The following ZBTB20 variants were observed in gnomAD, a reference collection of about 807,000 sequenced individuals.
ZBTB20 encodes the protein zinc finger and BTB domain-containing protein 20.
ZBTB20 carries 9 observed loss-of-function variants against 56.9 expected under a neutral mutation model. The observed-to-expected ratio is 0.16, with a 90% confidence interval of 0.10 to 0.28. The LOEUF is 0.28. Among genes scored for constraint, ZBTB20 ranks in the 10% least tolerant of loss-of-function variants. The pLI is 1.00. For synonymous variants in ZBTB20, 417 were observed against 420.7 expected (o/e 0.99, Z 0.11); for missense variants, 655 against 1,003.0 (o/e 0.65, Z 4.69).
intron 6 of ZBTB20, among the ~76,000 whole-genome samples, chr3:114,671,594 C>T (rs1255829399): frequency 1.3e-5 from 2 of 150,680 alleles, no homozygotes; most frequent in Admixed American, 6.6e-5. Flanking sequence ...AAATAAATGC[C>T]ATTTTTTTTT....
chr3:114,350,930 A>G lies in ZBTB20; in HGVS notation c.1148T>C (p.Ile383Thr), dbSNP rs1335676841. 6.2e-7 allele frequency: 1 copy of G among 1,603,998 alleles called. No homozygotes were observed. The highest frequency in any genetic ancestry group is 1.4e-5 in the African/African-American group (1 of 74,002). Residue 383 changes from isoleucine to threonine, a missense_variant, in exon 11 of 12, where the codon ATA (isoleucine) becomes ACA (threonine). Ile to Thr is a moderately conservative substitution (Grantham distance 89, BLOSUM62 -1). Coordinates refer to ENST00000675478, the MANE Select transcript of ZBTB20 (RefSeq NM_001348800.3). ...CTCCACCGAGTCAGGCTCGGTGCCT[A>G]TGGAGGAGCTGACGCCCGAGTCGAA... ...ESFDSGVSSS[I>T]GTEPDSVEQQ...
At chr3:114,752,715 C>A (rs1341318124) in intron 5 of ZBTB20, among the ~76,000 whole-genome samples, 1 of 152,102 alleles carries the variant, frequency 6.6e-6, no homozygotes, top group Non-Finnish European at 1.5e-5. Flanking sequence ...GAAGCCTTTC[C>A]TGTTGCTGTA....
chr3:114,818,207 G>A (rs148378164), intron 4 of ZBTB20, among the ~76,000 whole-genome samples: 8 of 151,982 alleles, frequency 5.3e-5, no homozygotes, highest in African/African-American at 1.4e-4. Flanking sequence ...GAACACAATG[G>A]TGTTTCAATA....
intron 5 of ZBTB20, among the ~76,000 whole-genome samples, chr3:114,776,395 G>A (rs896039604): frequency 1.3e-5 from 2 of 152,054 alleles, no homozygotes; most frequent in African/African-American, 4.8e-5. Flanking sequence ...ATGGACAGAA[G>A]AGGCCAACTT....
chr3:115,001,927 C>G (rs1370482422), intron 2 of ZBTB20, among the ~76,000 whole-genome samples: 1 of 151,302 alleles, frequency 6.6e-6, no homozygotes, highest in African/African-American at 2.4e-5. Context: ...GGCAAAAGAT[C>G]TAGAATAGGA....
intron 7 of ZBTB20, among the ~76,000 whole-genome samples, chr3:114,444,763 T>C (rs1480102439): frequency 6.6e-6 from 1 of 152,138 alleles, no homozygotes; most frequent in Non-Finnish European, 1.5e-5. Context: ...TTAATGTAGA[T>C]CCTTCTATTC....
At chr3:115,101,545 GAC>G (rs1282768347) in intron 1 of ZBTB20, among the ~76,000 whole-genome samples, 4 of 152,156 alleles carry the variant, frequency 2.6e-5, no homozygotes, top group African/African-American at 9.6e-5. Flanking sequence ...TTAAAAACTA[GAC>G]TCTGCTTGAC....
At chr3:114,854,504 T>C (rs2075149410) in intron 4 of ZBTB20, among the ~76,000 whole-genome samples, 1 of 152,210 alleles carries the variant, frequency 6.6e-6, no homozygotes, top group Non-Finnish European at 1.5e-5. Context: ...AGTTTTTGTC[T>C]TTGTTTCTTT....
At chr3:115,045,403 T>G (rs946744707) in intron 2 of ZBTB20, among the ~76,000 whole-genome samples, 4 of 152,094 alleles carry the variant, frequency 2.6e-5, no homozygotes, top group Non-Finnish European at 5.9e-5. Context: ...TAAGCATACA[T>G]CATTTTTATA....
rs2078653198 is a variant in ZBTB20, at chr3:114,315,605, G to GTGTA, written c.*23399_*23400insTACA. On this transcript the variant is annotated 3_prime_UTR_variant, in exon 12 of 12. Coordinates refer to ENST00000675478, the MANE Select transcript of ZBTB20 (RefSeq NM_001348800.3). ...TGTGTGTGTGTGTGTGTGTGTGTGTGTACACAGTAGCAATTGCAAAAAAGG... is the reference window on the plus strand; with the variant it reads ...TGTGTGTGTGTGTGTGTGTGTGTGTGTGTATACACAGTAGCAATTGCAAAAAAGG... 1 of 151,886 alleles carries GTGTA rather than the reference G, an allele frequency of 6.6e-6. No homozygotes were observed. The highest frequency in any genetic ancestry group is 2.5e-5 in the African/African-American group (1 of 40,734). 9.4% of individuals were successfully genotyped at this position (151,886 alleles called of 1,614,324 possible).
chr3:114,510,559 A>G (rs1165487504), intron 6 of ZBTB20, among the ~76,000 whole-genome samples: 1 of 151,926 alleles, frequency 6.6e-6, no homozygotes, highest in Non-Finnish European at 1.5e-5. Context: ...CAGCAGCATG[A>G]TCATATGATT....
intron 4 of ZBTB20, among the ~76,000 whole-genome samples, chr3:114,818,862 G>A (rs569968682): frequency 1.3e-5 from 2 of 152,016 alleles, no homozygotes; most frequent in South Asian, 2.1e-4. Context: ...AATAAGAAAG[G>A]AAATAGACAG....
At position 114,324,856 on chromosome 3, in the gene ZBTB20, G is replaced by A. The variant is rs1005513975; in HGVS notation, c.*14149C>T. On this transcript the variant is annotated 3_prime_UTR_variant, in exon 12 of 12. Transcript: ENST00000675478. Reference sequence around the variant, plus strand: ...GGAATCCGTTTCTTCAGTTTGTCTGGGTCTTCACCCTCCAAAGGTAAGTCT... The same window carrying A: ...GGAATCCGTTTCTTCAGTTTGTCTGAGTCTTCACCCTCCAAAGGTAAGTCT... The A allele has an allele frequency of 6.6e-6, 1 of 152,040 alleles. No individual in the cohort carries two copies. The highest frequency in any genetic ancestry group is 1.5e-5 in the Non-Finnish European group (1 of 68,004). The allele number at this position is 152,040 out of a possible 1,614,324, so 9.4% of individuals were successfully genotyped here. A position where few individuals can be genotyped will look rare whatever the true frequency, so the allele number is the denominator to read the frequency against.
At chr3:115,071,617 A>C (rs898695293) in intron 1 of ZBTB20, among the ~76,000 whole-genome samples, 4 of 152,142 alleles carry the variant, frequency 2.6e-5, no homozygotes. Flanking sequence ...AGTTAAGAAA[A>C]CAATAGGATA....
chr3:114,350,257 G>C lies in ZBTB20; in HGVS notation c.1804+17C>G. 1 of 1,578,028 alleles carries C rather than the reference G, an allele frequency of 6.3e-7. No homozygotes were observed. The highest frequency in any genetic ancestry group is 8.6e-7 in the Non-Finnish European group (1 of 1,156,498). ...CTCAGCCCCTGCTGCCAGGCCTCCA[G>C]GTGGGGTGACACTCACCTGTGTGTA... On this transcript the variant is annotated intron_variant, in intron 11 of 11. Coordinates refer to ENST00000675478, the MANE Select transcript of ZBTB20 (RefSeq NM_001348800.3).
chr3:114,820,203 A>G (rs2073160188), intron 4 of ZBTB20, among the ~76,000 whole-genome samples: 2 of 152,012 alleles, frequency 1.3e-5, no homozygotes, highest in Admixed American at 1.3e-4. Flanking sequence ...ATAATAGTGG[A>G]AAATGACCTA....
chr3:115,089,039 G>C (rs1484377859), intron 1 of ZBTB20, among the ~76,000 whole-genome samples: 4 of 151,788 alleles, frequency 2.6e-5, no homozygotes, highest in Non-Finnish European at 5.9e-5. Context: ...GAAATTACTG[G>C]ACTGATTAAG....
chr3:114,718,469 A>AT lies in ZBTB20; in HGVS notation c.-342-24895dup, dbSNP rs558987212. ...AAACAGTCATTCCTGACTTACAAACATGAGTGGAGGGAAGTACCTGAACAC... is the reference window on the plus strand; with the variant it reads ...AAACAGTCATTCCTGACTTACAAACATTGAGTGGAGGGAAGTACCTGAACAC... On this transcript the variant is annotated intron_variant, in intron 5 of 11. Coordinates refer to ENST00000675478, the MANE Select transcript of ZBTB20 (RefSeq NM_001348800.3). 2.0e-4 allele frequency among the ~76,000 whole-genome samples: 30 copies of AT among 152,208 alleles called. No homozygotes were observed. In the South Asian group the frequency reaches 5.8e-3, roughly 29 times the overall value.
At chr3:114,816,622 TG>T (rs1238186467) in intron 4 of ZBTB20, among the ~76,000 whole-genome samples, 1 of 152,164 alleles carries the variant, frequency 6.6e-6, no homozygotes, top group Non-Finnish European at 1.5e-5. Flanking sequence ...AAAAATCTCA[TG>T]AAAGCCCAAA....
Sources: allele counts gnomAD v4.1 joint callset (sites outside exome capture counted in the v4.1 genomes callset), GRCh38; gene constraint gnomAD v4.1.1; transcripts MANE v1.5; gene names NCBI Gene and HGNC (gene_info 2026-07-23, HGNC 2026-07-21).